The following RNF38 variants were observed in gnomAD, a reference collection of about 807,000 sequenced individuals.
RNF38 encodes the protein E3 ubiquitin-protein ligase RNF38.
RNF38 carries 15 observed loss-of-function variants against 67.2 expected under a neutral mutation model. The observed-to-expected ratio is 0.22, with a 90% confidence interval of 0.15 to 0.34. The LOEUF (loss-of-function observed/expected upper bound fraction) is 0.34. Ranked by LOEUF, RNF38 falls within the 10% of genes least tolerant of loss-of-function variation. The pLI is 1.00. For missense variants in RNF38, 524 were observed against 639.9 expected (o/e 0.82, Z 1.95); for synonymous variants, 220 against 218.8 (o/e 1.01, Z -0.05).
Position 36,363,117 on chromosome 9 carries a change from T to C in RNF38, c.571-5175A>G, listed in dbSNP as rs1388247997. Among the ~76,000 whole-genome samples, 4 of 99,550 alleles carry C rather than the reference T, an allele frequency of 4.0e-5. 1 individual carries two copies. The highest frequency in any genetic ancestry group is 9.2e-5 in the Admixed American group (1 of 10,890). 65.3% of individuals were successfully genotyped at this position (99,550 alleles called of 152,430 possible). ...TCTACCTATGTATCTATCTATGAGA[T>C]GGGGGTCTCACTCTGTCACCCAGGC... On this transcript the variant is annotated intron_variant, in intron 4 of 11. Coordinates refer to ENST00000259605, the MANE Select transcript of RNF38 (RefSeq NM_022781.5).
chr9:36,487,572 G>A (rs1587233650), upstream of RNF38: 1 of 977,206 alleles, frequency 1.0e-6, no homozygotes, highest in Non-Finnish European at 1.2e-6. Flanking sequence ...GCGGGGCCGC[G>A]AGCAGCGGCT....
chr9:36,383,257 A>G (rs1836341026), intron 2 of RNF38, among the ~76,000 whole-genome samples: 1 of 152,288 alleles, frequency 6.6e-6, no homozygotes, highest in Non-Finnish European at 1.5e-5. Context: ...GCTGGAGTGC[A>G]GTGGCGCGAT....
At chr9:36,459,483 A>G (rs923712080) in intron 1 of RNF38, among the ~76,000 whole-genome samples, 1 of 152,166 alleles carries the variant, frequency 6.6e-6, no homozygotes, top group African/African-American at 2.4e-5. Context: ...TGGTACACTG[A>G]GTATTTTGTA....
At chr9:36,369,241 CT>C (rs1234996982) in intron 4 of RNF38, among the ~76,000 whole-genome samples, 2 of 152,080 alleles carry the variant, frequency 1.3e-5, no homozygotes, top group African/African-American at 4.8e-5. Flanking sequence ...AACCTTGATC[CT>C]TTTTTTTAAT....
At chr9:36,441,106 A>G (rs1189715690) in intron 1 of RNF38, among the ~76,000 whole-genome samples, 1 of 152,152 alleles carries the variant, frequency 6.6e-6, no homozygotes, top group Non-Finnish European at 1.5e-5. Flanking sequence ...TGTTAGAAGA[A>G]AAGATGAGAA....
chr9:36,429,960 A>G (rs1201012956), intron 1 of RNF38, among the ~76,000 whole-genome samples: 1 of 152,208 alleles, frequency 6.6e-6, no homozygotes, highest in East Asian at 1.9e-4. Flanking sequence ...AGGGCCAACT[A>G]TAATATACTT....
chr9:36,477,448 G>A (rs898013807), intron 1 of RNF38, among the ~76,000 whole-genome samples: 2 of 152,044 alleles, frequency 1.3e-5, no homozygotes, highest in Non-Finnish European at 2.9e-5. Context: ...GGCCAAGGTG[G>A]GAGGATCACT....
intron 1 of RNF38, among the ~76,000 whole-genome samples, chr9:36,461,769 A>G (rs976445612): frequency 1.3e-5 from 2 of 152,224 alleles, no homozygotes; most frequent in African/African-American, 2.4e-5. Flanking sequence ...TGACTCCTAG[A>G]TTCCTGGTTT....
At chr9:36,413,662 T>C (rs561507051) in intron 2 of RNF38, among the ~76,000 whole-genome samples, 4 of 151,502 alleles carry the variant, frequency 2.6e-5, no homozygotes, top group East Asian at 3.9e-4. Context: ...GTTTTCCTTG[T>C]AGAGGTCTTT....
At chr9:36,372,828 T>G (rs753216090) in intron 3 of RNF38, among the ~76,000 whole-genome samples, 99 of 152,312 alleles carry the variant, frequency 6.5e-4, no homozygotes, top group Non-Finnish European at 1.0e-3. Flanking sequence ...GACTAGCAAT[T>G]CTACTCCTAG....
chr9:36,453,539 C>A (rs933130189), intron 1 of RNF38, among the ~76,000 whole-genome samples: 2 of 152,038 alleles, frequency 1.3e-5, no homozygotes, highest in Non-Finnish European at 2.9e-5. Context: ...CACGCTGCCA[C>A]GACTGGCTAA....
At chr9:36,428,494 C>T (rs1265064736) in intron 1 of RNF38, among the ~76,000 whole-genome samples, 1 of 151,284 alleles carries the variant, frequency 6.6e-6, no homozygotes, top group African/African-American at 2.4e-5. Context: ...AATTCAATTT[C>T]CCCTGCTGGA....
In RNF38 at chr9:36,448,761, T is replaced by G. The variant is rs377185086; in HGVS notation, n.242-24078A>C. ...GGCTCAGCCTGTAATCTCAGCACTTTGGGAGACAGAGGCGGGCGGACTGCC... is the reference window on the plus strand; with the variant it reads ...GGCTCAGCCTGTAATCTCAGCACTTGGGGAGACAGAGGCGGGCGGACTGCC... On this transcript the variant is annotated intron_variant and non_coding_transcript_variant, in intron 1 of 3. Transcript: ENST00000488058. 2.6e-4 allele frequency among the ~76,000 whole-genome samples: 39 copies of G among 152,254 alleles called. No homozygotes were observed. In the Middle Eastern group the frequency reaches 0.014, roughly 53 times the overall value.
At chr9:36,383,361 T>C (rs1374565968) in intron 2 of RNF38, among the ~76,000 whole-genome samples, 1 of 152,060 alleles carries the variant, frequency 6.6e-6, no homozygotes, top group Non-Finnish European at 1.5e-5. Context: ...ACCAGCCAAT[T>C]TTTGTATTTT....
At chr9:36,423,817 C>T (rs1298254288) in intron 2 of RNF38, among the ~76,000 whole-genome samples, 4 of 88,462 alleles carry the variant, frequency 4.5e-5, no homozygotes, top group African/African-American at 8.0e-5. Context: ...GGCGTGGTGG[C>T]GGGCGCCTGT....
intron 1 of RNF38, among the ~76,000 whole-genome samples, chr9:36,461,197 G>T (rs1353295686): frequency 6.6e-6 from 1 of 152,176 alleles, no homozygotes; most frequent in Admixed American, 6.5e-5. Context: ...TCCAGCCTGG[G>T]CAACAAGAGC....
chr9:36,400,010 G>A (rs1837879860), intron 1 of RNF38, 87 bp downstream of exon 1: 6 of 1,190,376 alleles, frequency 5.0e-6, no homozygotes, highest in African/African-American at 4.6e-5. Context: ...ACATGTGTGT[G>A]TTTCTACTTA....
intron 9 of RNF38, among the ~76,000 whole-genome samples, chr9:36,348,156 C>T (rs1283560871): frequency 6.6e-6 from 1 of 151,918 alleles, no homozygotes; most frequent in African/African-American, 2.4e-5. Context: ...AAATGTAGGC[C>T]TCTTGCACCA....
rs1833838510 is a variant in RNF38 at position 36,353,267 on chromosome 9, G to C, written c.974C>G (p.Thr325Ser). 6.2e-7 allele frequency: 1 copy of C among 1,612,826 alleles called. No individual in the cohort carries two copies. The highest frequency in any genetic ancestry group is 1.1e-5 in the South Asian group (1 of 91,020). ...TGGGGGGTGGGCTGATGGAGGGTAA[G>C]TAAAACCTCCTACTGGAAGATGTTC... Reference protein sequence around the residue: ...LGEHLPVGGFTYPPSAHPPTL... With the variant: ...LGEHLPVGGFSYPPSAHPPTL... The change falls in exon 7 of 12, where the codon ACT becomes AGT. Residue 325 changes from threonine (T) to serine (S), a missense_variant. Thr to Ser is a moderately conservative substitution (Grantham distance 58). Around this residue, in one of 2 missense-constraint regions of RNF38, gnomAD observed 461 missense variants for 517.4 expected, o/e 0.89. Coordinates refer to ENST00000259605, the MANE Select transcript of RNF38 (RefSeq NM_022781.5).
Sources: allele counts gnomAD v4.1 joint callset (sites outside exome capture counted in the v4.1 genomes callset), GRCh38; gene constraint gnomAD v4.1.1; regional missense constraint gnomAD v4.1.1; transcripts MANE v1.5; gene names NCBI Gene and HGNC (gene_info 2026-07-23, HGNC 2026-07-21).